RANBP2: variants seen among roughly 807,000 people sequenced by gnomAD.
RANBP2 encodes the protein E3 SUMO-protein ligase RanBP2.
RANBP2 carries 57 observed loss-of-function variants against 303.6 expected under a neutral mutation model. The ratio of observed to expected loss-of-function variants is 0.19; its 90% CI spans 0.15 to 0.23. The LOEUF is 0.23. Among genes scored for constraint, RANBP2 ranks in the 10% least tolerant of loss-of-function variants. The pLI is 1.00. For missense variants in RANBP2, 3,138 were observed against 3,780.8 expected, an observed-to-expected ratio of 0.83 and a Z score of 4.46; for synonymous variants, 1,167 against 1,301.5, an observed-to-expected ratio of 0.90 and a Z score of 2.23.
the RANBP2 span, among the ~76,000 whole-genome samples, chr2:109,168,760 T>A: frequency 6.6e-6 from 1 of 152,210 alleles, no homozygotes; most frequent in African/African-American, 2.4e-5. Context: ...CCCTTCTCAT[T>A]GCCTTCTTCA....
chr2:109,733,950 G>A, the RANBP2 span, among the ~76,000 whole-genome samples: 5 of 151,782 alleles, frequency 3.3e-5, no homozygotes, highest in South Asian at 2.1e-4. Flanking sequence ...CGTGGGCCGC[G>A]GGCGGATCAC....
At chr2:109,477,731 G>A in the RANBP2 span, among the ~76,000 whole-genome samples, 1 of 152,176 alleles carries the variant, frequency 6.6e-6, no homozygotes, top group Non-Finnish European at 1.5e-5. Flanking sequence ...TCGGTGTCTG[G>A]TGAGGACTGG....
chr2:109,298,580 G>A, the RANBP2 span, among the ~76,000 whole-genome samples: 2 of 152,084 alleles, frequency 1.3e-5, no homozygotes, highest in Non-Finnish European at 2.9e-5. Flanking sequence ...GCAGGAGGAT[G>A]AGCCCCGGGG....
At chr2:109,263,757 G>A in the RANBP2 span, among the ~76,000 whole-genome samples, 1 of 152,172 alleles carries the variant, frequency 6.6e-6, no homozygotes, top group Non-Finnish European at 1.5e-5. Context: ...ATGAGGTCAG[G>A]AGATTGAGAT....
the RANBP2 span, among the ~76,000 whole-genome samples, chr2:109,553,832 C>T: frequency 2.7e-5 from 4 of 147,932 alleles, no homozygotes; most frequent in Non-Finnish European, 4.5e-5. Context: ...CCAGCCTGGG[C>T]GACACAGCAA....
the RANBP2 span, among the ~76,000 whole-genome samples, chr2:109,130,994 G>A: frequency 7.9e-5 from 12 of 152,100 alleles, no homozygotes; most frequent in African/African-American, 2.9e-4. Context: ...TTTAAATGGA[G>A]AAAAGCACTT....
At chr2:108,912,415 G>A in the RANBP2 span, among the ~76,000 whole-genome samples, 1 of 152,184 alleles carries the variant, frequency 6.6e-6, no homozygotes, top group African/African-American at 2.4e-5. Flanking sequence ...AGCTGCCTGT[G>A]CTGTCCACCT....
At chr2:108,831,151 C>G in the RANBP2 span, among the ~76,000 whole-genome samples, 2,743 of 152,078 alleles carry the variant, frequency 0.018, 90 homozygotes, top group African/African-American at 0.064. Context: ...TGCACTCCAG[C>G]CTGAGTTATA....
the RANBP2 span, among the ~76,000 whole-genome samples, chr2:108,944,060 C>A: frequency 2.0e-5 from 3 of 152,210 alleles, no homozygotes; most frequent in Non-Finnish European, 4.4e-5. Flanking sequence ...AATTGCTATC[C>A]AGCCACGTAG....
At chr2:108,738,792 C>A (rs985037627) in intron 6 of RANBP2, among the ~76,000 whole-genome samples, 2 of 151,484 alleles carry the variant, frequency 1.3e-5, no homozygotes, top group African/African-American at 4.8e-5. Context: ...CCACGCCTGG[C>A]TAATTTTTTG....
the RANBP2 span, among the ~76,000 whole-genome samples, chr2:109,057,481 C>T: frequency 2.6e-5 from 4 of 152,232 alleles, no homozygotes; most frequent in Middle Eastern, 3.4e-3. Context: ...CTGAGAGCAG[C>T]GAGCAGATTG....
At chr2:108,870,236 G>T in the RANBP2 span, among the ~76,000 whole-genome samples, 2 of 152,144 alleles carry the variant, frequency 1.3e-5, no homozygotes, top group Admixed American at 6.5e-5. Context: ...TACTAGAAGA[G>T]TTCAACAGCA....
the RANBP2 span, among the ~76,000 whole-genome samples, chr2:109,426,270 A>C: frequency 3.3e-5 from 5 of 152,372 alleles, no homozygotes; most frequent in African/African-American, 1.2e-4. Context: ...GGATCTGGGC[A>C]AAGTAAATTG....
At chr2:109,277,368 C>CT in the RANBP2 span, among the ~76,000 whole-genome samples, 1 of 152,164 alleles carries the variant, frequency 6.6e-6, no homozygotes, top group Non-Finnish European at 1.5e-5. Context: ...ATTTACTGCT[C>CT]TTTATGTGAC....
At chr2:108,794,403 A>T in the RANBP2 span, 1 of 772,432 alleles carries the variant, frequency 1.3e-6, no homozygotes, top group Admixed American at 3.3e-5. Flanking sequence ...CATATTTGCT[A>T]TATTTTTCTT....
At chr2:109,301,334 ACG>A in the RANBP2 span, among the ~76,000 whole-genome samples, 3 of 79,078 alleles carry the variant, frequency 3.8e-5, no homozygotes, top group African/African-American at 1.4e-4. Context: ...TATCTGTGTG[ACG>A]TGTGTGTGTG....
chr2:109,507,027 TG>T, the RANBP2 span, among the ~76,000 whole-genome samples: 2 of 152,104 alleles, frequency 1.3e-5, no homozygotes, highest in Non-Finnish European at 2.9e-5. Flanking sequence ...CCCGCAGTCT[TG>T]GGGGCTGGAG....
chr2:109,715,515 C>T, the RANBP2 span, among the ~76,000 whole-genome samples: 6 of 152,098 alleles, frequency 3.9e-5, no homozygotes, highest in Non-Finnish European at 8.8e-5. Context: ...AAGAGGTGCA[C>T]CAGGCAAGGT....
the RANBP2 span, among the ~76,000 whole-genome samples, chr2:108,862,077 G>GTTTTTTTTTTTTTT: frequency 7.1e-6 from 1 of 141,384 alleles, no homozygotes. Flanking sequence ...TATGATTTCA[G>GTTTTTTTTTTTTTT]TTTTTTTTTT....
Sources: allele counts gnomAD v4.1 joint callset (sites outside exome capture counted in the v4.1 genomes callset), GRCh38; gene constraint gnomAD v4.1.1; transcripts MANE v1.5; gene names NCBI Gene and HGNC (gene_info 2026-07-23, HGNC 2026-07-21).